Variants in CHORDC1 observed in about 807,000 individuals in gnomAD.
CHORDC1 encodes cysteine and histidine rich domain containing 1.
In CHORDC1, 25 loss-of-function variants were observed where a neutral mutation model predicts 48.3. The observed-to-expected ratio is 0.52, with a 90% CI of 0.38 to 0.72. The LOEUF (loss-of-function observed/expected upper bound fraction) is 0.72, where lower values mean the gene tolerates loss of function less well. Among genes scored for constraint, CHORDC1 ranks in the 30% least tolerant of loss-of-function variants. The pLI, the probability that CHORDC1 is intolerant of heterozygous loss-of-function variation, is 0.00. For synonymous variants in CHORDC1, 128 were observed against 126.4 expected (o/e 1.01, Z -0.09); for missense variants, 317 against 388.7 (o/e 0.82, Z 1.55).
At chr11:90,211,492 T>C in intron 4 of CHORDC1, 174 bp from the exon 5 acceptor site, 1 of 512,712 alleles carries the variant, frequency 2.0e-6, no homozygotes. Flanking sequence ...ATCTACATTC[T>C]GTCTTAACAG....
At position 90,218,197 on chromosome 11, in the gene CHORDC1, GAGA is replaced by G. The variant is rs755740120; in HGVS notation, c.65-16_65-14del. 1.4e-6 allele frequency: 2 copies of G among 1,478,614 alleles called. No homozygotes were observed. Among genetic ancestry groups the G allele is most frequent in the Non-Finnish European group, 8.9e-7 (1 of 1,118,024 alleles). 91.6% of individuals were successfully genotyped at this position (1,478,614 alleles called of 1,614,324 possible). A position where few individuals can be genotyped will look rare whatever the true frequency, so the allele number is the denominator to read the frequency against. On this transcript the variant is annotated splice_polypyrimidine_tract_variant and intron_variant, in intron 1 of 10. Coordinates refer to ENST00000320585, the MANE Select transcript of CHORDC1 (RefSeq NM_012124.3). ...TATGTGCAAGCATCTGGAGAAAACA[GAGA>G]AAAAAAAAAAAGTACCACTCTTTAT...
chr11:90,220,802 T>C (rs917536582), intron 1 of CHORDC1, among the ~76,000 whole-genome samples: 2 of 152,160 alleles, frequency 1.3e-5, no homozygotes, highest in Non-Finnish European at 2.9e-5. Context: ...GCTTCTAACA[T>C]TGGGTCTGAC....
At chr11:90,220,831 T>A (rs1206658025) in intron 1 of CHORDC1, among the ~76,000 whole-genome samples, 4 of 152,186 alleles carry the variant, frequency 2.6e-5, no homozygotes, top group African/African-American at 9.7e-5. Flanking sequence ...AATTTCTCAC[T>A]GAGCTACTCG....
At chr11:90,209,763 G>C (rs1857809421) in intron 6 of CHORDC1, among the ~76,000 whole-genome samples, 1 of 152,064 alleles carries the variant, frequency 6.6e-6, no homozygotes, top group South Asian at 2.1e-4. Flanking sequence ...CCCACTGTCT[G>C]GTCTTCCACA....
chr11:90,206,727 A>G, intron 6 of CHORDC1: 1 of 1,216,666 alleles, frequency 8.2e-7, no homozygotes, highest in Non-Finnish European at 1.1e-6. Flanking sequence ...ATCCCTATAA[A>G]GGGTAAAATG....
intron 1 of CHORDC1, among the ~76,000 whole-genome samples, chr11:90,220,284 G>A (rs898890282): frequency 6.6e-6 from 1 of 152,138 alleles, no homozygotes; most frequent in Admixed American, 6.5e-5. Flanking sequence ...TAGTAACCAT[G>A]TGCTGCATAG....
At position 90,223,040 on chromosome 11, in the gene CHORDC1, T is replaced by G; in HGVS notation, c.-86A>C. The G allele has an allele frequency of 8.5e-7, 1 of 1,180,102 alleles. No homozygotes were observed. Among genetic ancestry groups the G allele is most frequent in the South Asian group, 1.3e-5 (1 of 77,414 alleles). 73.1% of individuals were successfully genotyped at this position (1,180,102 alleles called of 1,614,324 possible). On this transcript the variant is annotated 5_prime_UTR_variant, in exon 1 of 11. Transcript: ENST00000320585. Reference sequence around the variant, plus strand: ...GCCACTCCCGTGTCGCTAGCACCGGTCTGACGACTGAGGCGGCTACCGGCT... The same window carrying G: ...GCCACTCCCGTGTCGCTAGCACCGGGCTGACGACTGAGGCGGCTACCGGCT...
Position 90,202,453 on chromosome 11 carries a change from C to T in CHORDC1, c.951G>A (p.Leu317=), listed in dbSNP as rs189296014. ...AEPMQWASLE[L]PAAKKQEKQK... ...GTTTTTCCTGCTTTTTAGCTGCAGGCAGTTCAAGGCTTGCCCACTGCATCG... is the reference window on the plus strand; with the variant it reads ...GTTTTTCCTGCTTTTTAGCTGCAGGTAGTTCAAGGCTTGCCCACTGCATCG... The change falls in exon 11 of 11, where the codon CTG becomes CTA. Residue 317 remains leucine, a synonymous_variant. Transcript: ENST00000320585. 2.8e-4 allele frequency: 450 copies of T among 1,612,050 alleles called. No homozygotes were observed. Among genetic ancestry groups the T allele is most frequent in the Non-Finnish European group, 3.6e-4 (423 of 1,179,632 alleles).
intron 1 of CHORDC1, chr11:90,222,585 C>G (rs1406349463): frequency 6.6e-6 from 4 of 610,186 alleles, no homozygotes; most frequent in Non-Finnish European, 9.1e-6. Flanking sequence ...CGTGTTCGTT[C>G]TAAATTCCAG....
At position 90,222,696 on chromosome 11, in the gene CHORDC1, G is replaced by A. The variant is rs772543532; in HGVS notation, c.64+195C>T. The A allele has an allele frequency of 5.4e-5, 38 of 703,666 alleles. 1 individual carries two copies. The South Asian group carries it at 5.7e-4, about 11-fold the overall frequency. 43.6% of individuals were successfully genotyped at this position (703,666 alleles called of 1,614,324 possible). The stretch of plus-strand genomic sequence containing the variant: ...GGACAGTCAGGCGCCGGGGCCGGGC[G>A]CTCGCCAAGGGAACGCGGCGCAACA... On this transcript the variant is annotated intron_variant, in intron 1 of 10. Transcript: ENST00000320585.
intron 6 of CHORDC1, chr11:90,206,932 T>C (rs1857712507): frequency 4.9e-6 from 2 of 406,852 alleles, no homozygotes. Context: ...GTTTATCTTT[T>C]ATAAATCCAA....
rs1858220885 is a variant in CHORDC1, at chr11:90,222,958, C to G, written c.-4G>C. On this transcript the variant is annotated 5_prime_UTR_variant, in exon 1 of 11. Coordinates refer to ENST00000320585, the MANE Select transcript of CHORDC1 (RefSeq NM_012124.3). ...GGTTGTAGCACAGCAAGGCCATTTT[C>G]TTTTCCCACCGTCACAGGCAAGGCC... The G allele has an allele frequency of 1.2e-6, 2 of 1,613,410 alleles. No homozygotes were observed. The highest frequency in any genetic ancestry group is 1.7e-6 in the Non-Finnish European group (2 of 1,179,480).
chr11:90,220,980 AC>A (rs1379952142), intron 1 of CHORDC1, among the ~76,000 whole-genome samples: 1 of 152,190 alleles, frequency 6.6e-6, no homozygotes, highest in Non-Finnish European at 1.5e-5. Context: ...AACTTCAGTT[AC>A]AAGTTAAAAC....
In CHORDC1 at chr11:90,205,461, G is replaced by T; in HGVS notation, c.668C>A (p.Ala223Asp). The change falls in exon 8 of 11, where the codon GCT becomes GAT. Residue 223 changes from alanine to aspartate, a missense_variant and splice_region_variant. Transcript: ENST00000320585. ...GCTATTTTTGGAAGAGTTACTTACA[G>T]CATCTTTTTTAGTCCACATGTGTTT... is the stretch of plus-strand genomic sequence containing the variant. Reference protein sequence around the residue: ...KGKHMWTKKDAGKKVVPCRHD... With the variant: ...KGKHMWTKKDDGKKVVPCRHD... 1.3e-6 allele frequency: 2 copies of T among 1,559,656 alleles called. No individual in the cohort carries two copies. Among genetic ancestry groups the T allele is most frequent in the Non-Finnish European group, 1.8e-6 (2 of 1,137,460 alleles).
intron 8 of CHORDC1, 134 bp from the exon 9 acceptor site, chr11:90,203,561 TTC>T: frequency 3.1e-6 from 2 of 636,510 alleles, no homozygotes; most frequent in East Asian, 5.5e-5. Flanking sequence ...GGCAAAAAAC[TTC>T]TATATTTCCC....
intron 10 of CHORDC1, 46 bp downstream of exon 10, chr11:90,202,767 A>G (rs759010011): frequency 6.5e-7 from 1 of 1,535,218 alleles, no homozygotes; most frequent in Admixed American, 2.0e-5. Flanking sequence ...TCTACAAATG[A>G]TCTAAGTTAT....
intron 2 of CHORDC1, among the ~76,000 whole-genome samples, chr11:90,216,238 C>T (rs1196379132): frequency 6.6e-6 from 1 of 152,130 alleles, no homozygotes; most frequent in Non-Finnish European, 1.5e-5. Flanking sequence ...ATGTCAGATA[C>T]TGTGATACAC....
chr11:90,216,512 T>C, intron 2 of CHORDC1: 1 of 425,714 alleles, frequency 2.3e-6, no homozygotes, highest in Non-Finnish European at 4.6e-6. Context: ...TTGTCTGAAA[T>C]CTTCTGGACT....
In CHORDC1 at chr11:90,202,758, C is replaced by T; in HGVS notation, c.852+55G>A. The T allele has an allele frequency of 3.9e-6, 6 of 1,521,934 alleles. No individual in the cohort carries two copies. The South Asian group carries it at 7.2e-5, about 18-fold the overall frequency. The allele number at this position is 1,521,934 out of a possible 1,614,324, so 94.3% of individuals were successfully genotyped here. A position where few individuals can be genotyped will look rare whatever the true frequency, so the allele number is the denominator to read the frequency against. The stretch of plus-strand genomic sequence containing the variant: ...GTTTACTGAAGAATTGTCTTTTATT[C>T]TACAAATGATCTAAGTTATCAGAAA... On this transcript the variant is annotated intron_variant, in intron 10 of 10. Transcript: ENST00000320585.
Sources: gnomAD v4.1 joint callset for allele counts (sites outside exome capture counted in the v4.1 genomes callset) on GRCh38, gnomAD v4.1.1 for gene constraint, MANE v1.5 for transcripts, NCBI Gene and HGNC (gene_info 2026-07-23, HGNC 2026-07-21) for gene names.